The following DNAH5 variants were observed in gnomAD, a reference collection of about 807,000 sequenced individuals.
DNAH5 encodes dynein axonemal heavy chain 5.
DNAH5 carries 372 observed loss-of-function variants against 518.2 expected under a neutral mutation model. The ratio of observed to expected loss-of-function variants is 0.72; its 90% CI spans 0.66 to 0.78. DNAH5 has a LOEUF of 0.78. Ranked by LOEUF, DNAH5 falls within the 30% of genes least tolerant of loss-of-function variation. The probability of loss-of-function intolerance (pLI) is 0.00; values close to 1 mark genes in which losing one functional copy is unlikely to be tolerated. For synonymous variants in DNAH5, 2,039 were observed against 2,025.9 expected, an observed-to-expected ratio of 1.01 and a Z score of -0.17; for missense variants, 5,523 against 5,687.0, an observed-to-expected ratio of 0.97 and a Z score of 0.93.
chr5:13,699,886 T>C (rs908723631), intron 78 of DNAH5, among the ~76,000 whole-genome samples: 5 of 152,138 alleles, frequency 3.3e-5, no homozygotes, highest in Non-Finnish European at 7.4e-5. Context: ...TGTGCTGAAA[T>C]GTGGTTATTG....
chr5:13,881,957 T>G (rs1369437079), intron 21 of DNAH5, among the ~76,000 whole-genome samples: 1 of 151,820 alleles, frequency 6.6e-6, no homozygotes, highest in Non-Finnish European at 1.5e-5. Context: ...AAAAGAGGAC[T>G]CAAGTAAATA....
At chr5:13,784,894 A>G (rs137956823) in intron 52 of DNAH5, among the ~76,000 whole-genome samples, 17 of 152,274 alleles carry the variant, frequency 1.1e-4, no homozygotes, top group African/African-American at 3.6e-4. Context: ...TGTCCTAAAA[A>G]TGGATACGGT....
intron 56 of DNAH5, among the ~76,000 whole-genome samples, chr5:13,769,899 A>G (rs925017337): frequency 6.6e-6 from 1 of 152,234 alleles, no homozygotes; most frequent in Non-Finnish European, 1.5e-5. Context: ...CACGAAGGAA[A>G]CATACTTAAT....
intron 35 of DNAH5, 149 bp from the exon 36 acceptor site, chr5:13,830,924 C>G: frequency 1.4e-6 from 1 of 737,980 alleles, no homozygotes; most frequent in Non-Finnish European, 2.3e-6. Context: ...CTAAAACACA[C>G]TTATCCTTAT....
At chr5:13,827,458 G>T (rs981035561) in intron 38 of DNAH5, among the ~76,000 whole-genome samples, 11 of 104,928 alleles carry the variant, frequency 1.0e-4, no homozygotes, top group Non-Finnish European at 2.0e-4. Context: ...TTGGTGCCCT[G>T]CATCCCAGCC....
At chr5:13,738,640 A>T (rs1747936719) in intron 65 of DNAH5, among the ~76,000 whole-genome samples, 1 of 152,138 alleles carries the variant, frequency 6.6e-6, no homozygotes, top group Non-Finnish European at 1.5e-5. Context: ...GAAGAGAAGG[A>T]CAGAAAAGAT....
chr5:13,730,886 G>A (rs1698018495), intron 68 of DNAH5, among the ~76,000 whole-genome samples: 1 of 151,954 alleles, frequency 6.6e-6, no homozygotes, highest in African/African-American at 2.4e-5. Context: ...TTTTAGTAGA[G>A]GCGGGGTTTC....
In DNAH5 at chr5:13,836,120, T is replaced by TA. The variant is rs537737943; in HGVS notation, c.5882+3235dup. On this transcript the variant is annotated intron_variant, in intron 35 of 78. Coordinates refer to ENST00000265104, the MANE Select transcript of DNAH5 (RefSeq NM_001369.3). ...GACATCTTTTGGGGGCCATTATACT[T>TA]ACTATCACACTTCCCCCCAGCATTC... is the stretch of plus-strand genomic sequence containing the variant. Among the ~76,000 whole-genome samples the TA allele has an allele frequency of 3.0e-3, 459 of 152,306 alleles. 2 individuals are homozygous for TA. The highest frequency in any genetic ancestry group is 0.01 in the African/African-American group (433 of 41,566).
At chr5:13,732,714 CT>C (rs1746779458) in intron 68 of DNAH5, among the ~76,000 whole-genome samples, 1 of 152,130 alleles carries the variant, frequency 6.6e-6, no homozygotes. Context: ...GACTCTGCCC[CT>C]ATGACCTAAT....
At chr5:13,890,711 A>T (rs529778064) in intron 17 of DNAH5, among the ~76,000 whole-genome samples, 1 of 152,360 alleles carries the variant, frequency 6.6e-6, no homozygotes, top group South Asian at 2.1e-4. Context: ...TTCATTAAAA[A>T]ATGGAAAAAT....
chr5:13,909,840 A>G (rs1030139053), intron 12 of DNAH5, among the ~76,000 whole-genome samples: 4 of 152,184 alleles, frequency 2.6e-5, no homozygotes, highest in Non-Finnish European at 5.9e-5. Flanking sequence ...TGTATTCATA[A>G]CCTACAGCAT....
At chr5:13,847,862 T>C (rs558152906) in intron 31 of DNAH5, among the ~76,000 whole-genome samples, 3 of 152,050 alleles carry the variant, frequency 2.0e-5, no homozygotes, top group Non-Finnish European at 4.4e-5. Context: ...GGTAGTCCAG[T>C]AGACAGTTCC....
chr5:13,865,305 T>G (rs188947920), intron 27 of DNAH5, among the ~76,000 whole-genome samples: 33 of 152,302 alleles, frequency 2.2e-4, no homozygotes, highest in Admixed American at 3.9e-4. Flanking sequence ...CTCTCCATTT[T>G]CTTTAAATTC....
At chr5:13,950,810 A>G (rs1359654359) in intron 1 of DNAH5, among the ~76,000 whole-genome samples, 1 of 152,126 alleles carries the variant, frequency 6.6e-6, no homozygotes, top group Non-Finnish European at 1.5e-5. Flanking sequence ...TGCAGTTGTT[A>G]CTTGCTTAGA....
intron 35 of DNAH5, among the ~76,000 whole-genome samples, chr5:13,835,383 G>A (rs533323436): frequency 1.4e-4 from 22 of 152,168 alleles, no homozygotes; most frequent in African/African-American, 3.4e-4. Context: ...AGTAGCTCCC[G>A]AAACATTTCT....
In DNAH5 at chr5:13,814,533, G is replaced by A. The variant is rs1580384717; in HGVS notation, c.7230+72C>T. The A allele has an allele frequency of 1.4e-5, 21 of 1,503,514 alleles. No individual in the cohort carries two copies. In the East Asian group the frequency reaches 4.7e-4, roughly 34 times the overall value. 93.1% of individuals were successfully genotyped at this position (1,503,514 alleles called of 1,614,324 possible). Reference sequence around the variant, plus strand: ...TACACTGCCATCTGCAGAAAAATTGGCACACACACTAAAAGAATGCTAAAG... The same window carrying A: ...TACACTGCCATCTGCAGAAAAATTGACACACACACTAAAAGAATGCTAAAG... On this transcript the variant is annotated intron_variant, in intron 43 of 78. Coordinates refer to ENST00000265104, the MANE Select transcript of DNAH5 (RefSeq NM_001369.3).
intron 1 of DNAH5, among the ~76,000 whole-genome samples, chr5:13,938,907 G>A (rs1050700974): frequency 1.3e-5 from 2 of 152,210 alleles, no homozygotes; most frequent in Non-Finnish European, 2.9e-5. Context: ...ACAAATTCAC[G>A]AGCAGAAAAA....
intron 29 of DNAH5, among the ~76,000 whole-genome samples, 159 bp downstream of exon 29, chr5:13,862,389 T>C (rs1051922195): frequency 6.6e-6 from 1 of 152,156 alleles, no homozygotes; most frequent in African/African-American, 2.4e-5. Flanking sequence ...AAAAATATGT[T>C]TTGGATATAA....
intron 52 of DNAH5, among the ~76,000 whole-genome samples, chr5:13,781,396 GAA>G (rs1219587043): frequency 6.6e-6 from 1 of 152,080 alleles, no homozygotes; most frequent in Non-Finnish European, 1.5e-5. Context: ...CTCCACATTT[GAA>G]AAGTGTTCAA....
Sources: allele counts gnomAD v4.1 joint callset (sites outside exome capture counted in the v4.1 genomes callset), GRCh38; gene constraint gnomAD v4.1.1; transcripts MANE v1.5; gene names NCBI Gene and HGNC (gene_info 2026-07-23, HGNC 2026-07-21).